MAGI2: variants seen among roughly 807,000 people sequenced by gnomAD.
MAGI2 encodes the protein membrane-associated guanylate kinase, WW and PDZ domain-containing protein 2.
In MAGI2, 35 loss-of-function variants were observed where a neutral mutation model predicts 133.3. That is an observed-to-expected ratio of 0.26 (90% CI 0.20 to 0.35). The LOEUF is 0.35. Among genes scored for constraint, MAGI2 ranks in the 10% least tolerant of loss-of-function variants. MAGI2 has a pLI of 1.00. For missense variants in MAGI2, 1,636 were observed against 1,863.4 expected (o/e 0.88, Z 2.25); for synonymous variants, 729 against 710.6 (o/e 1.03, Z -0.41).
chr7:78,971,836 T>C (rs1803815788), intron 2 of MAGI2, among the ~76,000 whole-genome samples: 1 of 152,022 alleles, frequency 6.6e-6, no homozygotes, highest in African/African-American at 2.4e-5. Context: ...AAATTCATGG[T>C]AATCAAGTTT....
At position 79,391,536 on chromosome 7, in the gene MAGI2, TAGACATATATATATATATATATATATAC is replaced by T. The variant is rs1463430907; in HGVS notation, c.301+61456_301+61483del. On this transcript the variant is annotated intron_variant, in intron 1 of 21. Transcript: ENST00000354212. ...ATATATATATATATATATATATATA[TAGACATATATATATATATATATATATAC>T]ACACTTTACTGTAAGTTCCAGGCTA... Among the ~76,000 whole-genome samples the T allele has an allele frequency of 6.7e-3, 363 of 54,116 alleles. 3 individuals are homozygous for T. Among genetic ancestry groups the T allele is most frequent in the East Asian group, 0.03 (28 of 924 alleles). 35.5% of individuals were successfully genotyped at this position (54,116 alleles called of 152,430 possible). A position where few individuals can be genotyped will look rare whatever the true frequency, so the allele number is the denominator to read the frequency against.
chr7:78,346,022 C>T lies in MAGI2; in HGVS notation c.1125G>A (p.Gln375=). 1 of 1,614,056 alleles carries T rather than the reference C, an allele frequency of 6.2e-7. No individual in the cohort carries two copies. Among genetic ancestry groups the T allele is most frequent in the African/African-American group, 1.3e-5 (1 of 75,020 alleles). The change falls in exon 8 of 22, where the codon CAG becomes CAA. Residue 375 remains glutamine, a synonymous_variant. Coordinates refer to ENST00000354212, the MANE Select transcript of MAGI2 (RefSeq NM_012301.4). ...TTGCTTCCAGGACAGGATTTTCAAA[C>T]TGTGTTCTTCTATTTATGTGGCTAA... ...YYVDHINRRT[Q]FENPVLEAKR... is the part of the protein sequence containing the mutation.
rs544238722 is a variant in MAGI2, at chr7:78,825,650, C to A, written c.418+181440G>T. ...AACCTAAACCCATTTTCTTCTTTCA[C>A]TCTTTAGCTAAGATTCAATCTTATG... On this transcript the variant is annotated intron_variant, in intron 2 of 21. Transcript: ENST00000354212. Among the ~76,000 whole-genome samples the A allele has an allele frequency of 2.6e-5, 4 of 152,268 alleles. No individual in the cohort carries two copies. In the South Asian group the frequency reaches 8.3e-4, roughly 32 times the overall value.
At chr7:78,679,598 CAG>C (rs1815424966) in intron 2 of MAGI2, among the ~76,000 whole-genome samples, 1 of 152,122 alleles carries the variant, frequency 6.6e-6, no homozygotes, top group African/African-American at 2.4e-5. Flanking sequence ...CTTTCAAAGA[CAG>C]AAAGTGTTCA....
chr7:78,122,976 C>T (rs3779299), intron 20 of MAGI2, among the ~76,000 whole-genome samples: 19,526 of 152,128 alleles, frequency 0.13, 1,382 homozygotes, highest in Middle Eastern at 0.19. Flanking sequence ...ATTTTACAAA[C>T]GTAAGTCTTC....
At chr7:78,476,127 T>C (rs16886151) in intron 6 of MAGI2, among the ~76,000 whole-genome samples, 1,744 of 152,068 alleles carry the variant, frequency 0.011, 31 homozygotes, top group African/African-American at 0.04. Flanking sequence ...ATCCAACAAG[T>C]GTCTGTCATA....
At chr7:78,065,727 A>G in intron 21 of MAGI2, 1 of 566,352 alleles carries the variant, frequency 1.8e-6, no homozygotes, top group Non-Finnish European at 3.1e-6. Flanking sequence ...TAACAAAGAT[A>G]TATTATTACT....
At chr7:79,274,676 G>A (rs997527178) in intron 1 of MAGI2, among the ~76,000 whole-genome samples, 1 of 151,846 alleles carries the variant, frequency 6.6e-6, no homozygotes, top group Non-Finnish European at 1.5e-5. Flanking sequence ...GTATTATTGT[G>A]TTTCACTTTA....
chr7:79,170,137 C>CTTTTTTTTTTTTTTTTTTTTTTTTTTTTT (rs10539344), intron 1 of MAGI2, among the ~76,000 whole-genome samples: 1 of 42,924 alleles, frequency 2.3e-5, no homozygotes, highest in African/African-American at 8.6e-5. Flanking sequence ...AGATATTATA[C>CTTTTTTTTTTTTTTTTTTTTTTTTTTTTT]TTTTTTTTTT....
chr7:79,437,921 G>T (rs913896997), intron 1 of MAGI2, among the ~76,000 whole-genome samples: 2 of 152,046 alleles, frequency 1.3e-5, no homozygotes, highest in Non-Finnish European at 2.9e-5. Context: ...AATTTAAGAA[G>T]ATTGGTTTGT....
In MAGI2 at chr7:78,967,218, G is replaced by A. The variant is rs543980623; in HGVS notation, c.418+39872C>T. On this transcript the variant is annotated intron_variant, in intron 2 of 21. Transcript: ENST00000354212. Reference sequence around the variant, plus strand: ...CTGCCTCTCAAAGTGCTAGAATTACGGGTGTGAGTCATAGCATCCAGCTTG... The same window carrying A: ...CTGCCTCTCAAAGTGCTAGAATTACAGGTGTGAGTCATAGCATCCAGCTTG... 4.6e-5 allele frequency among the ~76,000 whole-genome samples: 7 copies of A among 152,044 alleles called. No individual in the cohort carries two copies. The South Asian group carries it at 1.0e-3, about 23-fold the overall frequency.
chr7:78,746,018 A>T (rs1410316684), intron 2 of MAGI2, among the ~76,000 whole-genome samples: 4 of 152,164 alleles, frequency 2.6e-5, no homozygotes, highest in Non-Finnish European at 5.9e-5. Context: ...TCTATATACC[A>T]TCTGAGCTCA....
chr7:78,647,286 T>C (rs542860402), intron 2 of MAGI2, among the ~76,000 whole-genome samples: 1 of 152,156 alleles, frequency 6.6e-6, no homozygotes, highest in South Asian at 2.1e-4. Flanking sequence ...TACAAAGAAC[T>C]TAAACAAATT....
intron 3 of MAGI2, among the ~76,000 whole-genome samples, chr7:78,574,258 C>A (rs537834300): frequency 6.6e-6 from 1 of 152,330 alleles, no homozygotes; most frequent in African/African-American, 2.4e-5. Context: ...ACATTGCTAA[C>A]TGGCATTTCT....
In MAGI2 at chr7:78,499,055, A is replaced by AAACAACAAC. The variant is rs147914906; in HGVS notation, c.965+2513_965+2521dup. Among the ~76,000 whole-genome samples, 38 of 150,480 alleles carry AAACAACAAC rather than the reference A, an allele frequency of 2.5e-4. 1 individual carries two copies. Among genetic ancestry groups the AAACAACAAC allele is most frequent in the South Asian group, 1.0e-3 (5 of 4,794 alleles). Reference sequence around the variant, plus strand: ...AGGAAGATTAAAAAACTACAAACTCAAACAACAACAACAACAACAACAACA... The same window carrying AAACAACAAC: ...AGGAAGATTAAAAAACTACAAACTCAAACAACAACAACAACAACAACAACAACAACAACA... On this transcript the variant is annotated intron_variant, in intron 5 of 21. Coordinates refer to ENST00000354212, the MANE Select transcript of MAGI2 (RefSeq NM_012301.4).
At chr7:79,051,775 A>G (rs1271942809) in intron 1 of MAGI2, among the ~76,000 whole-genome samples, 1 of 152,204 alleles carries the variant, frequency 6.6e-6, no homozygotes, top group Non-Finnish European at 1.5e-5. Flanking sequence ...ATGCAAAATT[A>G]TCTTCAAATG....
chr7:78,103,993 G>A (rs1430235602), intron 20 of MAGI2, among the ~76,000 whole-genome samples: 4 of 152,204 alleles, frequency 2.6e-5, no homozygotes, highest in Non-Finnish European at 4.4e-5. Context: ...TGTGATATCT[G>A]AGCTACGGTG....
intron 1 of MAGI2, among the ~76,000 whole-genome samples, chr7:79,417,676 C>A (rs6971965): frequency 0.25 from 37,579 of 151,678 alleles, 6,655 homozygotes; most frequent in African/African-American, 0.5. Flanking sequence ...TTCCTGTGAT[C>A]CTGGAGTAGG....
intron 6 of MAGI2, among the ~76,000 whole-genome samples, chr7:78,479,760 A>C (rs1435333317): frequency 1.3e-5 from 2 of 152,008 alleles, no homozygotes; most frequent in African/African-American, 4.8e-5. Context: ...ATTGGATGAG[A>C]AAAGACAATA....
Sources: allele counts gnomAD v4.1 joint callset (sites outside exome capture counted in the v4.1 genomes callset), GRCh38; gene constraint gnomAD v4.1.1; transcripts MANE v1.5; gene names NCBI Gene and HGNC (gene_info 2026-07-23, HGNC 2026-07-21).